The following ARHGEF33 variants were observed in gnomAD, a reference collection of about 807,000 sequenced individuals.
ARHGEF33 encodes the protein Rho guanine nucleotide exchange factor 33, also known as DH and coiled-coil domain-containing protein ENSP00000381780.
In ARHGEF33, 72 loss-of-function variants were observed where a neutral mutation model predicts 101.9. The ratio of observed to expected loss-of-function variants is 0.71; its 90% CI spans 0.58 to 0.86. ARHGEF33 has a LOEUF of 0.86. ARHGEF33 is among the 40% of genes least tolerant of loss of function. ARHGEF33 has a pLI of 0.00. For missense variants in ARHGEF33, 1,169 were observed against 1,111.3 expected (o/e 1.05, Z -0.74); for synonymous variants, 499 against 442.5 (o/e 1.13, Z -1.60).
At chr2:38,901,370 G>A (rs916857299) in intron 2 of ARHGEF33, among the ~76,000 whole-genome samples, 2 of 152,194 alleles carry the variant, frequency 1.3e-5, no homozygotes, top group African/African-American at 4.8e-5. Flanking sequence ...TTGCCAAGCA[G>A]CTGGTTGCTG....
chr2:38,964,545 A>T (rs906944526), intron 16 of ARHGEF33, among the ~76,000 whole-genome samples: 4 of 150,754 alleles, frequency 2.7e-5, no homozygotes, highest in African/African-American at 9.8e-5. Context: ...AGATTCTCAC[A>T]AGGAGTGCGC....
intron 4 of ARHGEF33, among the ~76,000 whole-genome samples, chr2:38,923,944 G>A (rs546715763): frequency 1.3e-5 from 2 of 152,296 alleles, no homozygotes; most frequent in African/African-American, 4.8e-5. Context: ...CACAAAGAAA[G>A]AGATTTGAGA....
chr2:38,960,401 A>C lies in ARHGEF33; in HGVS notation c.2096A>C (p.His699Pro). The change falls in exon 16 of 18, where the codon CAC (histidine) becomes CCC (proline). Residue 699 changes from histidine to proline, a missense_variant. Coordinates refer to ENST00000409978, the MANE Select transcript of ARHGEF33 (RefSeq NM_001145451.5). ...AYKLEAAAQAHGKAKPLSRSL... is the reference protein window; with the variant it reads ...AYKLEAAAQAPGKAKPLSRSL... ...AAACTGGAGGCGGCGGCGCAGGCGCACGGCAAGGCCAAGCCGCTGAGCCGC... is the reference window on the plus strand; with the variant it reads ...AAACTGGAGGCGGCGGCGCAGGCGCCCGGCAAGGCCAAGCCGCTGAGCCGC... The C allele has an allele frequency of 6.6e-7, 1 of 1,509,104 alleles. No homozygotes were observed. The allele number at this position is 1,509,104 out of a possible 1,614,324, so 93.5% of individuals were successfully genotyped here. A position where few individuals can be genotyped will look rare whatever the true frequency, so the allele number is the denominator to read the frequency against.
At position 38,951,132 on chromosome 2, in the gene ARHGEF33, T is replaced by C. The variant is rs1490052695; in HGVS notation, c.1053+11T>C. The stretch of plus-strand genomic sequence containing the variant: ...TTAACAAATGACGAGGTAAGGTTTT[T>C]TCTGCCCCTCTATACATTTTACTTA... On this transcript the variant is annotated intron_variant, in intron 11 of 17. Transcript: ENST00000409978. The C allele has an allele frequency of 5.8e-6, 9 of 1,551,272 alleles. No individual in the cohort carries two copies. The highest frequency in any genetic ancestry group is 2.7e-5 in the African/African-American group (2 of 73,060).
intron 16 of ARHGEF33, among the ~76,000 whole-genome samples, 154 bp downstream of exon 16, chr2:38,960,802 A>T (rs1326239348): frequency 6.6e-6 from 1 of 151,792 alleles, no homozygotes; most frequent in Non-Finnish European, 1.5e-5. Context: ...GCGGAGGGAG[A>T]GCAGGGGCAG....
chr2:38,957,953 C>G, intron 14 of ARHGEF33, 81 bp from the exon 15 acceptor site: 3 of 1,472,302 alleles, frequency 2.0e-6, no homozygotes, highest in Non-Finnish European at 2.8e-6. Context: ...AGACATCTCT[C>G]TATCTTTTTT....
chr2:38,973,272 A>G (rs961924386), intron 17 of ARHGEF33: 3 of 152,578 alleles, frequency 2.0e-5, no homozygotes, highest in African/African-American at 7.2e-5. Context: ...TCATTTAACA[A>G]TGAAAACAAG....
Position 38,954,391 on chromosome 2 carries a change from T to A in ARHGEF33, c.1156T>A (p.Ser386Thr). Reference sequence around the variant, plus strand: ...CATTCAGGGTGATGAAGAGATTAAATCTGACATCTACACGTTGTTTTTTCA... The same window carrying A: ...CATTCAGGGTGATGAAGAGATTAAAACTGACATCTACACGTTGTTTTTTCA... The part of the protein sequence containing the change: ...VLKEGDEEIK[S>T]DIYTLFFHIV... Residue 386 changes from serine (S) to threonine (T), a missense_variant, in exon 13 of 18, where the codon TCT becomes ACT. Transcript: ENST00000409978. 6.5e-7 allele frequency: 1 copy of A among 1,546,640 alleles called. No homozygotes were observed. Among genetic ancestry groups the A allele is most frequent in the Non-Finnish European group, 8.7e-7 (1 of 1,143,580 alleles).
rs966850691 is a variant in ARHGEF33, at chr2:38,960,216, G to A, written c.1911G>A (p.Pro637=). The stretch of plus-strand genomic sequence containing the variant: ...ACGACGAGGAGCCGTTCCAGGCTCC[G>A]GCCCTCTTCGAGAACTGCTCGCCTG... ...APYDEEPFQA[P]ALFENCSPAS... Residue 637 remains proline, a synonymous_variant, in exon 16 of 18, where the codon CCG becomes CCA. Transcript: ENST00000409978. 1.3e-6 allele frequency: 2 copies of A among 1,546,816 alleles called. No homozygotes were observed. Among genetic ancestry groups the A allele is most frequent in the Non-Finnish European group, 1.7e-6 (2 of 1,145,254 alleles).
chr2:38,932,425 C>G (rs1374109284), intron 7 of ARHGEF33, among the ~76,000 whole-genome samples: 2 of 146,124 alleles, frequency 1.4e-5, no homozygotes, highest in Non-Finnish European at 3.0e-5. Context: ...CCGTGCCCGG[C>G]TTGCCTTTTT....
intron 2 of ARHGEF33, among the ~76,000 whole-genome samples, chr2:38,905,158 G>A (rs1438127740): frequency 6.6e-6 from 1 of 151,938 alleles, no homozygotes; most frequent in East Asian, 1.9e-4. Context: ...AGAAATATAA[G>A]GGTGACCAAG....
intron 2 of ARHGEF33, among the ~76,000 whole-genome samples, chr2:38,908,070 G>A (rs1262066514): frequency 1.3e-5 from 2 of 151,738 alleles, no homozygotes; most frequent in African/African-American, 4.8e-5. Flanking sequence ...TCACTATGTT[G>A]CCCAGATTGG....
chr2:38,920,554 C>G (rs1332713535), intron 3 of ARHGEF33, among the ~76,000 whole-genome samples: 1 of 151,864 alleles, frequency 6.6e-6, no homozygotes. Context: ...ATTACAGGTG[C>G]CTGCCACCAC....
chr2:38,973,928 ATATC>A lies in ARHGEF33; in HGVS notation c.*89_*92del, dbSNP rs1214626952. 4.4e-5 allele frequency: 36 copies of A among 814,574 alleles called. No homozygotes were observed. Among genetic ancestry groups the A allele is most frequent in the South Asian group, 5.7e-5 (1 of 17,394 alleles). 50.5% of individuals were successfully genotyped at this position (814,574 alleles called of 1,614,324 possible). ...TGTGTAGGAATATATATATATATCT[ATATC>A]TATATATATATATATATCGATGTAT... On this transcript the variant is annotated 3_prime_UTR_variant, in exon 18 of 18. Coordinates refer to ENST00000409978, the MANE Select transcript of ARHGEF33 (RefSeq NM_001145451.5).
chr2:38,929,003 G>T lies in ARHGEF33; in HGVS notation c.172G>T (p.Val58Phe). 6.4e-7 allele frequency: 1 copy of T among 1,551,268 alleles called. No homozygotes were observed. Among genetic ancestry groups the T allele is most frequent in the Non-Finnish European group, 8.7e-7 (1 of 1,146,598 alleles). The change falls in exon 5 of 18, where the codon GTT (valine) becomes TTT (phenylalanine). Residue 58 changes from valine (V) to phenylalanine (F), a missense_variant. Transcript: ENST00000409978. ...QHGEYALEEK[V>F]KSCRCSMEEK... ...TGGAGAATATGCTTTGGAAGAAAAG[G>T]TTAAGAGCTGCAGATGTTCCATGGA...
In ARHGEF33 at chr2:38,929,723, T is replaced by C; in HGVS notation, c.255T>C (p.Asn85=). ...SLNYFKEELS[N]AMSMIQAITS... ...TTATTTTTTAGGAAGAGCTGAGCAA[T>C]GCCATGTCGATGATCCAAGCCATCA... The change falls in exon 6 of 18, where the codon AAT becomes AAC. Residue 85 remains asparagine, a synonymous_variant. Transcript: ENST00000409978. 3.2e-6 allele frequency: 5 copies of C among 1,551,978 alleles called. No individual in the cohort carries two copies. Among genetic ancestry groups the C allele is most frequent in the African/African-American group, 1.4e-5 (1 of 73,176 alleles).
chr2:38,935,950 G>A, intron 8 of ARHGEF33, 116 bp downstream of exon 8: 1 of 873,282 alleles, frequency 1.1e-6, no homozygotes, highest in Non-Finnish European at 1.8e-6. Context: ...ACTCACAAAA[G>A]ATAAAGTTAT....
At chr2:38,908,294 G>T (rs1029895294) in intron 2 of ARHGEF33, among the ~76,000 whole-genome samples, 1 of 152,122 alleles carries the variant, frequency 6.6e-6, no homozygotes, top group Non-Finnish European at 1.5e-5. Flanking sequence ...AGACACAGAG[G>T]CCATGAGACA....
chr2:38,922,899 A>G (rs1390085964), intron 4 of ARHGEF33, among the ~76,000 whole-genome samples: 1 of 152,132 alleles, frequency 6.6e-6, no homozygotes, highest in African/African-American at 2.4e-5. Flanking sequence ...GCTTGAACAA[A>G]GGCCTAGAAG....
Sources: allele counts gnomAD v4.1 joint callset (sites outside exome capture counted in the v4.1 genomes callset), GRCh38; gene constraint gnomAD v4.1.1; transcripts MANE v1.5; gene names NCBI Gene and HGNC (gene_info 2026-07-23, HGNC 2026-07-21).